FXR1: variants seen among roughly 807,000 people sequenced by gnomAD.
The protein encoded by FXR1 is FMR1 autosomal homolog 1.
Under a neutral mutation model 84.0 loss-of-function variants are expected in FXR1, and 15 were observed. That is an observed-to-expected ratio of 0.18 (90% CI 0.12 to 0.27). The LOEUF (loss-of-function observed/expected upper bound fraction) is 0.27. Ranked by LOEUF, FXR1 falls within the 10% of genes least tolerant of loss-of-function variation. The pLI, the probability that FXR1 is intolerant of heterozygous loss-of-function variation, is 1.00. For missense variants in FXR1, 480 were observed against 774.4 expected, an observed-to-expected ratio of 0.62 and a Z score of 4.51; for synonymous variants, 245 against 250.7, an observed-to-expected ratio of 0.98 and a Z score of 0.21.
chr3:180,962,317 A>G (rs1046423497), intron 11 of FXR1, among the ~76,000 whole-genome samples: 4 of 152,222 alleles, frequency 2.6e-5, no homozygotes, highest in Admixed American at 1.3e-4. Flanking sequence ...TCGCAATTAA[A>G]GCTGGCATTT....
intron 2 of FXR1, 40 bp downstream of exon 2, chr3:180,933,426 T>C (rs1419753382): frequency 1.7e-6 from 2 of 1,154,122 alleles, no homozygotes; most frequent in African/African-American, 3.0e-5. Flanking sequence ...ATTTTAGAGA[T>C]GGCAGTGCCA....
chr3:180,958,057 A>G (rs1474405009), intron 10 of FXR1, 129 bp downstream of exon 10: 2 of 453,608 alleles, frequency 4.4e-6, no homozygotes, highest in Non-Finnish European at 8.0e-6. Flanking sequence ...TGTTTTTATA[A>G]TATTATTTCA....
intron 1 of FXR1, among the ~76,000 whole-genome samples, chr3:180,923,651 G>A (rs150212630): frequency 8.1e-4 from 124 of 152,234 alleles, no homozygotes; most frequent in African/African-American, 2.8e-3. Flanking sequence ...GTAGTTGTGG[G>A]GAGGGAGTAG....
Position 180,949,140 on chromosome 3 carries a change from G to A in FXR1, c.514-87G>A. 7 of 783,596 alleles carry A rather than the reference G, an allele frequency of 8.9e-6. No individual in the cohort carries two copies. In the South Asian group the frequency reaches 9.6e-5, roughly 11 times the overall value. The allele number at this position is 783,596 out of a possible 1,614,324, so 48.5% of individuals were successfully genotyped here. ...AAGAAGTGTAGTAGATGAGAAGCAA[G>A]GAAGGCTTTGCATAGAAGATGGGAT... is the stretch of plus-strand genomic sequence containing the variant. On this transcript the variant is annotated intron_variant, in intron 6 of 16. Transcript: ENST00000357559.
intron 11 of FXR1, among the ~76,000 whole-genome samples, chr3:180,961,821 TAAG>T (rs965277894): frequency 1.3e-5 from 2 of 152,220 alleles, no homozygotes; most frequent in African/African-American, 4.8e-5. Flanking sequence ...CTTTCTTTCT[TAAG>T]AAATGATTCC....
At chr3:180,934,336 G>A (rs528888154) in intron 2 of FXR1, among the ~76,000 whole-genome samples, 4 of 152,262 alleles carry the variant, frequency 2.6e-5, no homozygotes, top group Admixed American at 2.6e-4. Context: ...CCCAGCCTTG[G>A]CAGATAGAAA....
At chr3:180,915,710 G>T in intron 1 of FXR1, 1 of 696,450 alleles carries the variant, frequency 1.4e-6, no homozygotes. Flanking sequence ...AGTGTGAATT[G>T]CCATTGATGA....
rs1338835269 is a variant in FXR1, at chr3:180,979,137, G to C, written c.*2845G>C. The C allele has an allele frequency of 1.3e-5, 2 of 152,086 alleles. No homozygotes were observed. Among genetic ancestry groups the C allele is most frequent in the East Asian group, 3.8e-4 (2 of 5,198 alleles). 9.4% of individuals were successfully genotyped at this position (152,086 alleles called of 1,614,324 possible). A position where few individuals can be genotyped will look rare whatever the true frequency, so the allele number is the denominator to read the frequency against. ...TTGTAGCTGCTGTTAGCTGTGTCTA[G>C]CGTTTTGTAACCTAAGGAGGGTCTT... On this transcript the variant is annotated 3_prime_UTR_variant, in exon 17 of 17. Transcript: ENST00000357559.
chr3:180,918,183 C>T (rs1334251305), intron 1 of FXR1, among the ~76,000 whole-genome samples: 1 of 151,918 alleles, frequency 6.6e-6, no homozygotes, highest in Non-Finnish European at 1.5e-5. Context: ...ATTTGTGTGC[C>T]TTCTGTAAGA....
intron 13 of FXR1, among the ~76,000 whole-genome samples, chr3:180,966,960 A>G (rs1712913223): frequency 6.6e-6 from 1 of 152,196 alleles, no homozygotes; most frequent in African/African-American, 2.4e-5. Context: ...CTCTGATTAT[A>G]TCTTTGTGGT....
At chr3:180,953,993 A>G in intron 9 of FXR1, 153 bp downstream of exon 9, 8 of 554,690 alleles carry the variant, frequency 1.4e-5, no homozygotes, top group South Asian at 5.0e-5. Context: ...TTTTTTGGTG[A>G]TAACATTTTG....
chr3:180,938,938 C>G (rs900199088), intron 3 of FXR1, among the ~76,000 whole-genome samples: 1 of 151,560 alleles, frequency 6.6e-6, no homozygotes, highest in Non-Finnish European at 1.5e-5. Context: ...CTAAGTTGCT[C>G]AGGTTGGAGT....
At chr3:180,975,534 T>C in intron 16 of FXR1, 130 bp downstream of exon 16, 2 of 464,378 alleles carry the variant, frequency 4.3e-6, no homozygotes, top group South Asian at 8.6e-5. Context: ...AGTTAAAGAC[T>C]CTTGAATATG....
chr3:180,949,173 G>T, intron 6 of FXR1, 54 bp from the exon 7 acceptor site: 1 of 899,044 alleles, frequency 1.1e-6, no homozygotes, highest in East Asian at 2.4e-5. Context: ...GATGGTGTTT[G>T]TGCTATTTGG....
At chr3:180,941,822 AATC>A (rs1721151749) in intron 3 of FXR1, among the ~76,000 whole-genome samples, 1 of 152,196 alleles carries the variant, frequency 6.6e-6, no homozygotes, top group South Asian at 2.1e-4. Context: ...TAGGTAGAGA[AATC>A]ATACATGTTC....
chr3:180,963,270 A>G (rs1033484555), intron 13 of FXR1, among the ~76,000 whole-genome samples, 180 bp downstream of exon 13: 1 of 152,132 alleles, frequency 6.6e-6, no homozygotes, highest in African/African-American at 2.4e-5. Flanking sequence ...TTAAAATGAC[A>G]GTAAAATATA....
intron 1 of FXR1, among the ~76,000 whole-genome samples, chr3:180,918,009 T>A (rs1028963331): frequency 5.3e-5 from 8 of 151,824 alleles, no homozygotes; most frequent in Non-Finnish European, 1.2e-4. Flanking sequence ...AGTTTTGTGT[T>A]TTGTATTAGA....
chr3:180,914,259 C>T (rs1246007530), intron 1 of FXR1, among the ~76,000 whole-genome samples: 1 of 152,134 alleles, frequency 6.6e-6, no homozygotes, highest in African/African-American at 2.4e-5. Context: ...CTGGTGGTTG[C>T]TTTCCCTGGA....
intron 7 of FXR1, among the ~76,000 whole-genome samples, chr3:180,950,178 A>G (rs1722082285): frequency 6.6e-6 from 1 of 152,174 alleles, no homozygotes; most frequent in African/African-American, 2.4e-5. Flanking sequence ...CACACTTTCT[A>G]GATCTAGATG....
Sources: gnomAD v4.1 joint callset for allele counts (sites outside exome capture counted in the v4.1 genomes callset) on GRCh38, gnomAD v4.1.1 for gene constraint, MANE v1.5 for transcripts, NCBI Gene and HGNC (gene_info 2026-07-23, HGNC 2026-07-21) for gene names.